The following BBX variants were observed in gnomAD, a reference collection of about 807,000 sequenced individuals.
BBX encodes the protein BBX high mobility group box domain containing.
A neutral mutation model predicts 100.2 loss-of-function variants in BBX; 30 were observed. The ratio of observed to expected loss-of-function variants is 0.30; its 90% CI spans 0.22 to 0.41. BBX has a LOEUF of 0.41. BBX is among the 10% of genes least tolerant of loss of function. The pLI is 1.00. For synonymous variants in BBX, 376 were observed against 388.1 expected (o/e 0.97, Z 0.37); for missense variants, 1,023 against 1,129.8 (o/e 0.91, Z 1.35).
At chr3:107,581,610 CT>C (rs1424878653) in intron 2 of BBX, among the ~76,000 whole-genome samples, 1 of 151,946 alleles carries the variant, frequency 6.6e-6, no homozygotes, top group Non-Finnish European at 1.5e-5. Context: ...GGTAACTGGT[CT>C]TCTGTGCTGT....
intron 3 of BBX, among the ~76,000 whole-genome samples, chr3:107,675,388 G>A (rs1443922790): frequency 6.6e-6 from 1 of 152,114 alleles, no homozygotes; most frequent in Non-Finnish European, 1.5e-5. Flanking sequence ...CTGTGCTGAT[G>A]GGAAGCAGAA....
intron 2 of BBX, among the ~76,000 whole-genome samples, chr3:107,584,477 T>C (rs1272928540): frequency 1.3e-5 from 2 of 150,042 alleles, no homozygotes; most frequent in African/African-American, 4.9e-5. Context: ...CCGGGGATGA[T>C]AGCCCCTAAC....
rs2071196232 is a variant in BBX, at chr3:107,809,228, A to G, written c.*3771A>G. The G allele has an allele frequency of 6.6e-6, 1 of 152,210 alleles. No individual in the cohort carries two copies. The highest frequency in any genetic ancestry group is 1.9e-4 in the East Asian group (1 of 5,200). The allele number at this position is 152,210 out of a possible 1,614,324, so 9.4% of individuals were successfully genotyped here. On this transcript the variant is annotated 3_prime_UTR_variant, in exon 18 of 18. Transcript: ENST00000325805. ...TTATAAGGTGGGGAGGGGAGGGAAAATACCAAAAAACTCTGTTCCAAGTTT... is the reference window on the plus strand; with the variant it reads ...TTATAAGGTGGGGAGGGGAGGGAAAGTACCAAAAAACTCTGTTCCAAGTTT...
At chr3:107,563,126 G>C (rs965414540) in intron 2 of BBX, among the ~76,000 whole-genome samples, 1 of 152,188 alleles carries the variant, frequency 6.6e-6, no homozygotes, top group East Asian at 1.9e-4. Flanking sequence ...CAGGGTCAGC[G>C]ATTTATGTGT....
intron 17 of BBX, among the ~76,000 whole-genome samples, chr3:107,802,354 T>G (rs2070590114): frequency 6.6e-6 from 1 of 152,242 alleles, no homozygotes. Flanking sequence ...CCTCTAGATA[T>G]TTCCAAGAAG....
chr3:107,530,990 T>C (rs1433748750), intron 2 of BBX, among the ~76,000 whole-genome samples: 1 of 152,216 alleles, frequency 6.6e-6, no homozygotes, highest in Admixed American at 6.5e-5. Context: ...CCTCATCCTT[T>C]GATATTCTCA....
chr3:107,574,202 A>G, intron 2 of BBX, among the ~76,000 whole-genome samples: 1 of 152,230 alleles, frequency 6.6e-6, no homozygotes, highest in East Asian at 1.9e-4. Context: ...TTCTTCTGAA[A>G]AAAAAGTTAA....
chr3:107,766,228 C>T (rs1456816969), intron 10 of BBX, among the ~76,000 whole-genome samples: 8 of 151,986 alleles, frequency 5.3e-5, no homozygotes, highest in East Asian at 1.9e-4. Context: ...AGTAAAAGAA[C>T]GAGGAAGATT....
chr3:107,808,119 C>A lies in BBX; in HGVS notation c.*2662C>A, dbSNP rs941519636. ...CCACCCCACCTTTTGTTATCATTTTCATTTCATTTCTCTCATTCTTTTTTA... is the reference window on the plus strand; with the variant it reads ...CCACCCCACCTTTTGTTATCATTTTAATTTCATTTCTCTCATTCTTTTTTA... On this transcript the variant is annotated 3_prime_UTR_variant, in exon 18 of 18. Coordinates refer to ENST00000325805, the MANE Select transcript of BBX (RefSeq NM_001142568.3). 32 of 152,116 alleles carry A rather than the reference C, an allele frequency of 2.1e-4. 1 individual carries two copies. The highest frequency in any genetic ancestry group is 1.7e-3 in the Admixed American group (26 of 15,280). 9.4% of individuals were successfully genotyped at this position (152,116 alleles called of 1,614,324 possible).
intron 5 of BBX, 125 bp from the exon 6 acceptor site, chr3:107,728,640 G>C (rs184967716): frequency 4.6e-5 from 35 of 765,926 alleles, no homozygotes; most frequent in African/African-American, 2.6e-4. Context: ...TACAAGGAGA[G>C]CCACAGAAGT....
At chr3:107,543,655 T>A (rs2107375144) in intron 2 of BBX, among the ~76,000 whole-genome samples, 1 of 152,356 alleles carries the variant, frequency 6.6e-6, no homozygotes, top group South Asian at 2.1e-4. Context: ...CATTGTTAAA[T>A]GGCATACCAG....
chr3:107,686,659 G>A (rs902466000), intron 3 of BBX, among the ~76,000 whole-genome samples: 20 of 152,126 alleles, frequency 1.3e-4, no homozygotes, highest in African/African-American at 4.6e-4. Flanking sequence ...TCATGGAGGA[G>A]CCTCTCAGTG....
At chr3:107,613,189 A>ATTT (rs1378133556) in intron 2 of BBX, among the ~76,000 whole-genome samples, 1 of 131,904 alleles carries the variant, frequency 7.6e-6, no homozygotes, top group Admixed American at 7.6e-5. Context: ...ATGGAAGGCT[A>ATTT]TTTTTTTTTT....
intron 2 of BBX, among the ~76,000 whole-genome samples, chr3:107,642,026 G>C (rs894302354): frequency 2.0e-5 from 3 of 152,160 alleles, no homozygotes; most frequent in African/African-American, 7.2e-5. Flanking sequence ...CAGACTGTCA[G>C]TTTATCATTT....
At chr3:107,674,023 A>G (rs1046362104) in intron 3 of BBX, among the ~76,000 whole-genome samples, 4 of 151,960 alleles carry the variant, frequency 2.6e-5, no homozygotes, top group African/African-American at 4.8e-5. Context: ...CTCTCTTTAG[A>G]AAAAAAATGC....
intron 3 of BBX, among the ~76,000 whole-genome samples, chr3:107,684,226 C>T (rs867694729): frequency 9.2e-5 from 14 of 152,178 alleles, no homozygotes; most frequent in Middle Eastern, 3.4e-3. Flanking sequence ...ATGGAGATGA[C>T]GGATATTTTA....
At chr3:107,704,073 T>C (rs1271025137) in intron 3 of BBX, among the ~76,000 whole-genome samples, 3 of 152,226 alleles carry the variant, frequency 2.0e-5, no homozygotes, top group African/African-American at 7.2e-5. Flanking sequence ...TTCTGGTTCC[T>C]CTACTTGCCA....
chr3:107,543,152 A>G (rs1227418209), intron 2 of BBX, among the ~76,000 whole-genome samples: 2 of 152,232 alleles, frequency 1.3e-5, no homozygotes, highest in Non-Finnish European at 2.9e-5. Flanking sequence ...ACTTAAATCC[A>G]AAGAGAATTA....
chr3:107,638,820 CACACACACACACAG>C (rs2057021476), intron 2 of BBX, among the ~76,000 whole-genome samples: 1 of 129,600 alleles, frequency 7.7e-6, no homozygotes, highest in East Asian at 2.1e-4. Flanking sequence ...CACACACACA[CACACACACACACAG>C]ACAAATTAGC....
Sources: gnomAD v4.1 joint callset for allele counts (sites outside exome capture counted in the v4.1 genomes callset) on GRCh38, gnomAD v4.1.1 for gene constraint, MANE v1.5 for transcripts, NCBI Gene and HGNC (gene_info 2026-07-23, HGNC 2026-07-21) for gene names.